Variants in UAP1 observed in about 807,000 individuals in gnomAD.
UAP1 encodes UDP-N-acetylglucosamine pyrophosphorylase 1.
A neutral mutation model predicts 58.5 loss-of-function variants in UAP1; 25 were observed. The ratio of observed to expected loss-of-function variants is 0.43; its 90% CI spans 0.31 to 0.60. UAP1 has a LOEUF of 0.60. Ranked by LOEUF, UAP1 falls within the 20% of genes least tolerant of loss-of-function variation. UAP1 has a pLI of 0.11. For missense variants in UAP1, 575 were observed against 630.0 expected (o/e 0.91, Z 0.93); for synonymous variants, 208 against 213.0 (o/e 0.98, Z 0.21).
chr1:162,582,308 A>G (rs1654639321), intron 5 of UAP1, among the ~76,000 whole-genome samples: 1 of 152,144 alleles, frequency 6.6e-6, no homozygotes, highest in African/African-American at 2.4e-5. Flanking sequence ...GGCCAGGAAA[A>G]TGTTGAAAAA....
At chr1:162,577,722 C>T (rs1571068830) in intron 3 of UAP1, among the ~76,000 whole-genome samples, 1 of 151,888 alleles carries the variant, frequency 6.6e-6, no homozygotes, top group Non-Finnish European at 1.5e-5. Context: ...AGCGGTTCTC[C>T]TGCCTCAGCC....
rs1011196831 is a variant in UAP1 at position 162,597,100 on chromosome 1, A to G, written c.1410-692A>G. 7.2e-5 allele frequency: 11 copies of G among 152,294 alleles called. No individual in the cohort carries two copies. In the South Asian group the frequency reaches 2.3e-3, roughly 32 times the overall value. The allele number at this position is 152,294 out of a possible 1,614,324, so 9.4% of individuals were successfully genotyped here. A position where few individuals can be genotyped will look rare whatever the true frequency, so the allele number is the denominator to read the frequency against. On this transcript the variant is annotated intron_variant, in intron 9 of 10. Coordinates refer to ENST00000271469, the Ensembl canonical transcript of UAP1. The stretch of plus-strand genomic sequence containing the variant: ...TAAATTAGCTCAGCTAATCTAGGAC[A>G]TTTGGGTTGTACAGAAAAAACATGT...
downstream of UAP1, among the ~76,000 whole-genome samples, chr1:162,600,430 C>G (rs114978236): frequency 4.1e-3 from 617 of 152,076 alleles, 1 homozygote; most frequent in African/African-American, 0.014. Context: ...AGTAAGGGTT[C>G]TCTGTGTCTA....
chr1:162,599,321 C>T (rs749191271), exon 11 of UAP1: 11 of 1,612,004 alleles, frequency 6.8e-6, no homozygotes, highest in East Asian at 2.2e-5. Flanking sequence ...CTCTAATCAT[C>T]GATGAGAATG....
intron 10 of UAP1, among the ~76,000 whole-genome samples, chr1:162,598,963 C>CAT (rs1655775521): frequency 6.6e-6 from 1 of 151,358 alleles, no homozygotes; most frequent in African/African-American, 2.4e-5. Flanking sequence ...TTGCAGTGAG[C>CAT]ATAGGGGTGA....
At position 162,583,320 on chromosome 1, in the gene UAP1, T is replaced by A. The variant is rs906382024; in HGVS notation, c.834+1861T>A. On this transcript the variant is annotated intron_variant, in intron 5 of 10. Coordinates refer to ENST00000271469, the Ensembl canonical transcript of UAP1. ...GGCACCCACCACCAGGCCCAGATAATTTTTTTGTATTTTTAGTACAGACGG... is the reference window on the plus strand; with the variant it reads ...GGCACCCACCACCAGGCCCAGATAAATTTTTTGTATTTTTAGTACAGACGG... Among the ~76,000 whole-genome samples the A allele has an allele frequency of 2.6e-5, 4 of 151,746 alleles. No individual in the cohort carries two copies. The South Asian group carries it at 6.3e-4, about 24-fold the overall frequency.
exon 2 of UAP1, chr1:162,566,233 T>A (rs780096913): frequency 1.2e-6 from 2 of 1,613,910 alleles, no homozygotes; most frequent in Admixed American, 3.3e-5. Flanking sequence ...CCATTGAAGG[T>A]TTTAACCAGT....
At chr1:162,563,514 G>A (rs1653302177) in intron 1 of UAP1, among the ~76,000 whole-genome samples, 1 of 152,132 alleles carries the variant, frequency 6.6e-6, no homozygotes, top group Non-Finnish European at 1.5e-5. Flanking sequence ...ACAGGCGCGT[G>A]CCACCATGCC....
intron 7 of UAP1, among the ~76,000 whole-genome samples, chr1:162,589,756 A>G (rs977415319): frequency 6.6e-6 from 1 of 152,128 alleles, no homozygotes; most frequent in Non-Finnish European, 1.5e-5. Context: ...GGATGACTTG[A>G]GGCCAAGGAG....
rs1655394270 is a variant in UAP1 at position 162,592,744 on chromosome 1, T to TG, written c.1374dup (p.Lys459GlufsTer8). ...TATTCCCACATAGCAGTGCTACAAA[T>TG]GGGAAGTCAGAGACCATCACAGCTG... On this transcript the variant is annotated frameshift_variant, in exon 9 of 11. Transcript: ENST00000271469. LOFTEE classifies it high-confidence loss of function. 2 of 1,549,934 alleles carry TG rather than the reference T, an allele frequency of 1.3e-6. No individual in the cohort carries two copies. Among genetic ancestry groups the TG allele is most frequent in the African/African-American group, 2.7e-5 (2 of 72,998 alleles).
chr1:162,581,340 A>G, exon 5 of UAP1: 3 of 1,614,058 alleles, frequency 1.9e-6, no homozygotes, highest in Non-Finnish European at 2.5e-6. Context: ...TGTGGAGGAT[A>G]TGGAGCAAAG....
chr1:162,563,193 G>A (rs1653268825), intron 1 of UAP1, among the ~76,000 whole-genome samples: 1 of 152,016 alleles, frequency 6.6e-6, no homozygotes, highest in Non-Finnish European at 1.5e-5. Flanking sequence ...CTATTTTTGT[G>A]GCATGAAGGT....
downstream of UAP1, among the ~76,000 whole-genome samples, chr1:162,600,440 A>G (rs573004496): frequency 4.9e-4 from 75 of 152,312 alleles, no homozygotes; most frequent in African/African-American, 1.8e-3. Context: ...CTCTGTGTCT[A>G]AAATGCTGTT....
intron 5 of UAP1, 56 bp downstream of exon 5, chr1:162,581,515 G>A: frequency 4.6e-6 from 7 of 1,508,956 alleles, no homozygotes; most frequent in African/African-American, 1.4e-5. Context: ...TGTCATATAC[G>A]CATTCCAGAA....
intron 8 of UAP1, among the ~76,000 whole-genome samples, chr1:162,591,954 T>C (rs928796912): frequency 6.6e-5 from 10 of 152,306 alleles, no homozygotes; most frequent in African/African-American, 2.2e-4. Flanking sequence ...TCAGCCTAAA[T>C]CTTGTATTTT....
chr1:162,569,750 A>G (rs1398997249), intron 2 of UAP1, among the ~76,000 whole-genome samples: 2 of 152,240 alleles, frequency 1.3e-5, no homozygotes, highest in African/African-American at 2.4e-5. Context: ...ATATAGCACT[A>G]TAGTAAAGTA....
chr1:162,592,786 AAT>A lies in UAP1; in HGVS notation c.1409+8_1409+9del. The stretch of plus-strand genomic sequence containing the variant: ...TCACAGCTGATGTCAATCACAAGTA[AAT>A]ATACCAGCCTGCCTACAGTGCATGG... On this transcript the variant is annotated splice_donor_5th_base_variant and intron_variant, in intron 9 of 10. Transcript: ENST00000271469. 1 of 1,549,544 alleles carries A rather than the reference AAT, an allele frequency of 6.5e-7. No homozygotes were observed. Among genetic ancestry groups the A allele is most frequent in the Non-Finnish European group, 8.7e-7 (1 of 1,145,898 alleles).
chr1:162,597,735 C>T lies in UAP1; in HGVS notation c.1410-57C>T. 4 of 1,463,152 alleles carry T rather than the reference C, an allele frequency of 2.7e-6. No individual in the cohort carries two copies. In the East Asian group the frequency reaches 9.1e-5, roughly 33 times the overall value. 90.6% of individuals were successfully genotyped at this position (1,463,152 alleles called of 1,614,324 possible). A position where few individuals can be genotyped will look rare whatever the true frequency, so the allele number is the denominator to read the frequency against. ...AGGAAAGTTATGGTTTGTACTTTTG[C>T]TCTGGCAAGTAACATGGGAAGCAAA... On this transcript the variant is annotated intron_variant, in intron 9 of 10. Coordinates refer to ENST00000271469, the Ensembl canonical transcript of UAP1.
intron 1 of UAP1, among the ~76,000 whole-genome samples, chr1:162,563,447 C>G (rs145871575): frequency 1.1e-3 from 163 of 152,132 alleles, no homozygotes; most frequent in African/African-American, 3.8e-3. Flanking sequence ...TTACTACAAC[C>G]TCCGCCTCCC....
Sources: allele counts gnomAD v4.1 joint callset (sites outside exome capture counted in the v4.1 genomes callset), GRCh38; gene constraint gnomAD v4.1.1; transcripts MANE v1.5; gene names NCBI Gene and HGNC (gene_info 2026-07-23, HGNC 2026-07-21).